AFAP1: variants seen among roughly 807,000 people sequenced by gnomAD.
AFAP1 encodes the protein actin filament associated protein 1.
Under a neutral mutation model 93.9 loss-of-function variants are expected in AFAP1, and 75 were observed. That is an observed-to-expected ratio of 0.80 (90% CI 0.66 to 0.97). The LOEUF is 0.97. AFAP1 is among the 50% of genes least tolerant of loss of function. The pLI is 0.00. For missense variants in AFAP1, 1,201 were observed against 1,050.8 expected (o/e 1.14, Z -1.98); for synonymous variants, 517 against 430.7 (o/e 1.20, Z -2.48).
At chr4:7,885,358 G>A (rs1718084484) in intron 1 of AFAP1, among the ~76,000 whole-genome samples, 1 of 152,120 alleles carries the variant, frequency 6.6e-6, no homozygotes, top group South Asian at 2.1e-4. Flanking sequence ...AACCCTGTGT[G>A]TCCCTGCGTC....
chr4:7,900,340 ACATTTAG>A (rs1431889433), intron 1 of AFAP1, among the ~76,000 whole-genome samples: 1 of 5,940 alleles, frequency 1.7e-4, no homozygotes, highest in East Asian at 2.1e-3. Context: ...CGCATCTAGC[ACATTTAG>A]CATTTAGCAC....
rs1257928155 is a variant in AFAP1, at chr4:7,758,992, C to A, written c.*4773G>T. On this transcript the variant is annotated 3_prime_UTR_variant, in exon 18 of 18. Coordinates refer to ENST00000420658, the MANE Select transcript of AFAP1 (RefSeq NM_001134647.2). ...CATATTTAATTTAAAAAAATCTTTG[C>A]TGTTTCTTTGCCTGTTTCTTTCAAA... 6.6e-6 allele frequency: 1 copy of A among 152,460 alleles called. No homozygotes were observed. Among genetic ancestry groups the A allele is most frequent in the Non-Finnish European group, 1.5e-5 (1 of 67,994 alleles). The allele number at this position is 152,460 out of a possible 1,614,324, so 9.4% of individuals were successfully genotyped here. A position where few individuals can be genotyped will look rare whatever the true frequency, so the allele number is the denominator to read the frequency against.
At chr4:7,819,412 G>A (rs1382651182) in intron 6 of AFAP1, among the ~76,000 whole-genome samples, 1 of 152,204 alleles carries the variant, frequency 6.6e-6, no homozygotes, top group African/African-American at 2.4e-5. Context: ...TACGTTTCCT[G>A]CTGGCATGGA....
intron 3 of AFAP1, among the ~76,000 whole-genome samples, chr4:7,860,913 T>C (rs940896048): frequency 6.6e-6 from 1 of 152,168 alleles, no homozygotes; most frequent in African/African-American, 2.4e-5. Flanking sequence ...CCACTGCCGC[T>C]TGCCTCGCCT....
At chr4:7,847,452 CAA>C (rs1177574737) in intron 4 of AFAP1, among the ~76,000 whole-genome samples, 1 of 152,160 alleles carries the variant, frequency 6.6e-6, no homozygotes, top group Non-Finnish European at 1.5e-5. Flanking sequence ...ATGACCCAAT[CAA>C]GAGAACTCTC....
At position 7,781,415 on chromosome 4, in the gene AFAP1, G is replaced by A; in HGVS notation, c.1743C>T (p.Thr581=). The part of the protein sequence containing the change: ...YPASAQSVTN[T]SSVGRASLGL... Reference sequence around the variant, plus strand: ...CGAGAGACGCCCTCCCCACAGAAGAGGTATTAGTGACAGACTGAGCGGAGG... The same window carrying A: ...CGAGAGACGCCCTCCCCACAGAAGAAGTATTAGTGACAGACTGAGCGGAGG... The change falls in exon 13 of 18, where the codon ACC becomes ACT. Residue 581 remains threonine (T), a synonymous_variant. Transcript: ENST00000420658. 1 of 1,551,978 alleles carries A rather than the reference G, an allele frequency of 6.4e-7. No homozygotes were observed. Among genetic ancestry groups the A allele is most frequent in the African/African-American group, 1.4e-5 (1 of 73,172 alleles).
intron 5 of AFAP1, 117 bp from the exon 6 acceptor site, chr4:7,838,820 G>T: frequency 1.9e-6 from 2 of 1,039,594 alleles, no homozygotes; most frequent in East Asian, 4.9e-5. Context: ...GTCTGAATCT[G>T]CAGATGAGCA....
chr4:7,838,814 G>A (rs557549185), intron 5 of AFAP1, 111 bp from the exon 6 acceptor site: 66 of 1,161,312 alleles, frequency 5.7e-5, no homozygotes, highest in Admixed American at 4.3e-4. Flanking sequence ...CTGAAAGTCT[G>A]AATCTGCAGA....
At chr4:7,888,723 T>C (rs1349795907) in intron 1 of AFAP1, among the ~76,000 whole-genome samples, 2 of 152,070 alleles carry the variant, frequency 1.3e-5, no homozygotes, top group Non-Finnish European at 2.9e-5. Context: ...AAAAAGACAT[T>C]ACAAGGAACC....
intron 1 of AFAP1, among the ~76,000 whole-genome samples, chr4:7,908,021 G>A (rs993760410): frequency 7.2e-5 from 11 of 152,142 alleles, no homozygotes; most frequent in African/African-American, 2.4e-4. Flanking sequence ...AGACCAGCCC[G>A]GCCAATGCGG....
intron 2 of AFAP1, among the ~76,000 whole-genome samples, chr4:7,868,957 GAAAGA>G (rs1417174333): frequency 2.8e-5 from 4 of 143,512 alleles, no homozygotes; most frequent in Non-Finnish European, 6.1e-5. Flanking sequence ...AAGGGAAAGG[GAAAGA>G]AAAGAGAAAA....
chr4:7,789,576 C>T (rs1381284826), intron 11 of AFAP1, among the ~76,000 whole-genome samples: 4 of 130,994 alleles, frequency 3.1e-5, no homozygotes. Context: ...CCGTGCATCT[C>T]CCCACGCTCC....
intron 4 of AFAP1, among the ~76,000 whole-genome samples, chr4:7,847,207 A>G (rs1010370851): frequency 6.6e-6 from 1 of 152,192 alleles, no homozygotes; most frequent in Non-Finnish European, 1.5e-5. Context: ...GTCCCAATCA[A>G]GAGAACTCTC....
chr4:7,875,668 T>C (rs1362162183), intron 1 of AFAP1, among the ~76,000 whole-genome samples: 1 of 151,822 alleles, frequency 6.6e-6, no homozygotes, highest in African/African-American at 2.4e-5. Context: ...GATAGCATTA[T>C]TCAGAATGTC....
chr4:7,817,923 T>C lies in AFAP1; in HGVS notation c.822+1153A>G, dbSNP rs1720627523. ...GTAATGAGTGACTTTTTTCATCCCA[T>C]TTATGTTTCTATGAGCTTTCTGAAT... On this transcript the variant is annotated intron_variant, in intron 7 of 17. Coordinates refer to ENST00000420658, the MANE Select transcript of AFAP1 (RefSeq NM_001134647.2). 2.0e-5 allele frequency among the ~76,000 whole-genome samples: 3 copies of C among 152,110 alleles called. No homozygotes were observed. The South Asian group carries it at 6.2e-4, about 32-fold the overall frequency.
At chr4:7,799,226 C>A (rs574454564) in intron 10 of AFAP1, 97 of 334,978 alleles carry the variant, frequency 2.9e-4, no homozygotes, top group Admixed American at 5.8e-4. Context: ...TTAGATCACA[C>A]TGCTGCAAAA....
At chr4:7,884,205 A>C (rs1718016545) in intron 1 of AFAP1, among the ~76,000 whole-genome samples, 1 of 152,204 alleles carries the variant, frequency 6.6e-6, no homozygotes, top group Admixed American at 6.5e-5. Flanking sequence ...AGGCCTTCCC[A>C]AAAGCGGAGC....
chr4:7,797,539 G>A (rs1444559572), intron 10 of AFAP1, among the ~76,000 whole-genome samples: 1 of 152,180 alleles, frequency 6.6e-6, no homozygotes, highest in East Asian at 1.9e-4. Flanking sequence ...GCCCAAACCT[G>A]GGAGCCTTCT....
chr4:7,769,658 C>A (rs899571793), intron 16 of AFAP1, among the ~76,000 whole-genome samples: 2 of 150,094 alleles, frequency 1.3e-5, no homozygotes, highest in Admixed American at 6.6e-5. Flanking sequence ...GGGAAAAAAA[C>A]GCCACAGTCT....
Sources: allele counts gnomAD v4.1 joint callset (sites outside exome capture counted in the v4.1 genomes callset), GRCh38; gene constraint gnomAD v4.1.1; transcripts MANE v1.5; gene names NCBI Gene and HGNC (gene_info 2026-07-23, HGNC 2026-07-21).